SPON1: variants seen among roughly 807,000 people sequenced by gnomAD.
The protein encoded by SPON1 is spondin 1, also known as spondin-1.
SPON1 carries 52 observed loss-of-function variants against 111.7 expected under a neutral mutation model. The observed-to-expected ratio is 0.47, with a 90% confidence interval of 0.37 to 0.59. SPON1 has a LOEUF of 0.59. Ranked by LOEUF, SPON1 falls within the 20% of genes least tolerant of loss-of-function variation. The pLI, the probability that SPON1 is intolerant of heterozygous loss-of-function variation, is 0.00. For missense variants in SPON1, 957 were observed against 1,068.5 expected, an observed-to-expected ratio of 0.90 and a Z score of 1.46; for synonymous variants, 410 against 395.8, an observed-to-expected ratio of 1.04 and a Z score of -0.43.
chr11:13,989,212 G>A (rs1249257160), intron 2 of SPON1, among the ~76,000 whole-genome samples: 1 of 152,126 alleles, frequency 6.6e-6, no homozygotes, highest in Non-Finnish European at 1.5e-5. Context: ...ATTAATTACT[G>A]CTTCAACTTC....
chr11:14,190,028 C>T (rs1173894444), intron 6 of SPON1, among the ~76,000 whole-genome samples: 3 of 152,198 alleles, frequency 2.0e-5, no homozygotes, highest in African/African-American at 7.2e-5. Context: ...TAATTATATG[C>T]ATTGTGCAAT....
chr11:14,010,789 G>C (rs1194460308), intron 2 of SPON1, among the ~76,000 whole-genome samples: 1 of 152,200 alleles, frequency 6.6e-6, no homozygotes, highest in African/African-American at 2.4e-5. Flanking sequence ...CTAGGCCAAT[G>C]CTCTTTCCAC....
chr11:14,114,205 C>T (rs1849250212), intron 5 of SPON1, among the ~76,000 whole-genome samples: 1 of 152,174 alleles, frequency 6.6e-6, no homozygotes, highest in South Asian at 2.1e-4. Context: ...TTCTGTCCCC[C>T]TACTAGCCTT....
chr11:14,138,857 C>G (rs113271791), intron 6 of SPON1, among the ~76,000 whole-genome samples: 2 of 152,116 alleles, frequency 1.3e-5, no homozygotes, highest in Admixed American at 1.3e-4. Flanking sequence ...TCTCTCCACA[C>G]CCAAACTTGT....
intron 2 of SPON1, among the ~76,000 whole-genome samples, chr11:14,020,999 A>G (rs566871912): frequency 2.0e-5 from 3 of 152,302 alleles, no homozygotes; most frequent in Admixed American, 6.5e-5. Context: ...GCAGATTTAC[A>G]TGTATGTTTA....
chr11:14,004,935 T>C (rs1450574285), intron 2 of SPON1, among the ~76,000 whole-genome samples: 1 of 152,068 alleles, frequency 6.6e-6, no homozygotes, highest in Non-Finnish European at 1.5e-5. Context: ...GTCTCCTGAG[T>C]AGTTGGGACT....
intron 2 of SPON1, among the ~76,000 whole-genome samples, chr11:14,010,792 C>T (rs1438893700): frequency 6.6e-6 from 1 of 152,252 alleles, no homozygotes; most frequent in African/African-American, 2.4e-5. Context: ...GGCCAATGCT[C>T]TTTCCACCAA....
intron 3 of SPON1, among the ~76,000 whole-genome samples, chr11:14,058,306 G>C (rs571753050): frequency 1.3e-5 from 2 of 152,206 alleles, no homozygotes; most frequent in South Asian, 4.2e-4. Flanking sequence ...AGACAGCAAG[G>C]ATACAGAGCT....
intron 5 of SPON1, among the ~76,000 whole-genome samples, chr11:14,110,952 A>G (rs986304366): frequency 3.9e-5 from 6 of 152,176 alleles, no homozygotes; most frequent in African/African-American, 1.4e-4. Flanking sequence ...CTGCATCACT[A>G]TCTCCCAGCC....
At chr11:14,106,586 G>T (rs1849186006) in intron 5 of SPON1, among the ~76,000 whole-genome samples, 1 of 152,140 alleles carries the variant, frequency 6.6e-6, no homozygotes. Flanking sequence ...TACTGTTTGG[G>T]GTTGAAAGTG....
chr11:14,035,365 T>C (rs1200194775), intron 2 of SPON1, among the ~76,000 whole-genome samples: 2 of 152,202 alleles, frequency 1.3e-5, no homozygotes, highest in African/African-American at 4.8e-5. Flanking sequence ...AAGGGGTGGG[T>C]TTAATAATGC....
At position 14,190,931 on chromosome 11, in the gene SPON1, G is replaced by A. The variant is rs139053038; in HGVS notation, c.826-52401G>A. ...TGGGATTACAGGCATGAGCCACCAC[G>A]CCCAGCTTCCTTTCTTAAATATTGT... On this transcript the variant is annotated intron_variant, in intron 6 of 15. Coordinates refer to ENST00000576479, the MANE Select transcript of SPON1 (RefSeq NM_006108.4). Among the ~76,000 whole-genome samples the A allele has an allele frequency of 5.0e-3, 758 of 151,852 alleles. 2 individuals are homozygous for A. The highest frequency in any genetic ancestry group is 0.018 in the African/African-American group (729 of 41,382).
At chr11:14,236,837 T>C (rs188749817) in intron 6 of SPON1, among the ~76,000 whole-genome samples, 2 of 152,340 alleles carry the variant, frequency 1.3e-5, no homozygotes, top group Non-Finnish European at 2.9e-5. Flanking sequence ...AGCTGAGAGC[T>C]GGGCACTGAC....
chr11:14,218,934 G>A (rs1848651883), intron 6 of SPON1, among the ~76,000 whole-genome samples: 1 of 152,198 alleles, frequency 6.6e-6, no homozygotes, highest in Non-Finnish European at 1.5e-5. Flanking sequence ...ACTGAATTCT[G>A]CTCTGGGCTG....
intron 15 of SPON1, among the ~76,000 whole-genome samples, chr11:14,263,557 T>C (rs1258139953): frequency 6.6e-6 from 1 of 152,124 alleles, no homozygotes; most frequent in Non-Finnish European, 1.5e-5. Flanking sequence ...CAGCCTTGAG[T>C]TTTATTTCCC....
At chr11:13,976,612 T>A (rs1418685203) in intron 1 of SPON1, among the ~76,000 whole-genome samples, 1 of 152,226 alleles carries the variant, frequency 6.6e-6, no homozygotes, top group African/African-American at 2.4e-5. Flanking sequence ...AAGCTGAGTT[T>A]ATGATTAGCC....
intron 6 of SPON1, among the ~76,000 whole-genome samples, chr11:14,192,471 A>G (rs1848356566): frequency 6.6e-6 from 1 of 151,070 alleles, no homozygotes; most frequent in Admixed American, 6.6e-5. Flanking sequence ...CTGTCTCTAA[A>G]TATAGAAAGA....
At chr11:14,157,719 A>G (rs1465324169) in intron 6 of SPON1, among the ~76,000 whole-genome samples, 2 of 151,652 alleles carry the variant, frequency 1.3e-5, no homozygotes, top group African/African-American at 4.9e-5. Flanking sequence ...CTTTTTTTGT[A>G]TATTATTTAT....
intron 6 of SPON1, among the ~76,000 whole-genome samples, chr11:14,165,806 T>C (rs2133878527): frequency 6.6e-6 from 1 of 152,344 alleles, no homozygotes; most frequent in East Asian, 1.9e-4. Context: ...AACTTTACTC[T>C]TACTGTACTT....
Sources: gnomAD v4.1 joint callset for allele counts (sites outside exome capture counted in the v4.1 genomes callset) on GRCh38, gnomAD v4.1.1 for gene constraint, MANE v1.5 for transcripts, NCBI Gene and HGNC (gene_info 2026-07-23, HGNC 2026-07-21) for gene names.